The following SLC35F3 variants were observed in gnomAD, a reference collection of about 807,000 sequenced individuals.
The protein encoded by SLC35F3 is solute carrier family 35 member F3.
A neutral mutation model predicts 49.9 loss-of-function variants in SLC35F3; 25 were observed. The ratio of observed to expected loss-of-function variants is 0.50; its 90% CI spans 0.37 to 0.70. The LOEUF (loss-of-function observed/expected upper bound fraction) is 0.70. Among genes scored for constraint, SLC35F3 ranks in the 30% least tolerant of loss-of-function variants. The pLI, the probability that SLC35F3 is intolerant of heterozygous loss-of-function variation, is 0.00. For synonymous variants in SLC35F3, 275 were observed against 265.4 expected (o/e 1.04, Z -0.35); for missense variants, 525 against 639.8 (o/e 0.82, Z 1.94).
chr1:234,135,871 C>T (rs1040248661), intron 2 of SLC35F3, among the ~76,000 whole-genome samples: 5 of 152,232 alleles, frequency 3.3e-5, no homozygotes, highest in Non-Finnish European at 5.9e-5. Flanking sequence ...TTCACTGATG[C>T]CAGCCAAGAA....
intron 2 of SLC35F3, among the ~76,000 whole-genome samples, chr1:234,116,493 C>G (rs923157289): frequency 2.2e-5 from 3 of 134,158 alleles, no homozygotes; most frequent in African/African-American, 7.6e-5. Flanking sequence ...TCCCACCCCC[C>G]ATTATTTTTG....
In SLC35F3 at chr1:233,904,743, G is replaced by T. The variant is rs1364418575; in HGVS notation, c.-335G>T. Among the ~76,000 whole-genome samples, 1 of 151,756 alleles carries T rather than the reference G, an allele frequency of 6.6e-6. No individual in the cohort carries two copies. Among genetic ancestry groups the T allele is most frequent in the Non-Finnish European group, 1.5e-5 (1 of 67,908 alleles). On this transcript the variant is annotated 5_prime_UTR_variant, in exon 1 of 8. Coordinates refer to ENST00000366618, the MANE Select transcript of SLC35F3 (RefSeq NM_173508.4). ...CAGCTGGGAGGGCTCTCCCGGTCGCGGCGAGACTCACGCCTGCGGTGTGCT... is the reference window on the plus strand; with the variant it reads ...CAGCTGGGAGGGCTCTCCCGGTCGCTGCGAGACTCACGCCTGCGGTGTGCT...
At chr1:234,262,465 G>C (rs1311589559) in intron 3 of SLC35F3, among the ~76,000 whole-genome samples, 2 of 152,232 alleles carry the variant, frequency 1.3e-5, no homozygotes, top group Non-Finnish European at 2.9e-5. Context: ...AGGAATGGTG[G>C]TGTCTGTCCT....
At chr1:233,915,554 T>TA (rs1344125956) in intron 2 of SLC35F3, among the ~76,000 whole-genome samples, 1 of 151,878 alleles carries the variant, frequency 6.6e-6, no homozygotes, top group Non-Finnish European at 1.5e-5. Context: ...TGTTTTTTTT[T>TA]AAAAAAGTCC....
At chr1:234,157,681 C>G (rs1666174096) in intron 2 of SLC35F3, among the ~76,000 whole-genome samples, 2 of 152,122 alleles carry the variant, frequency 1.3e-5, no homozygotes, top group Admixed American at 6.5e-5. Flanking sequence ...TCCTTGTACT[C>G]TGGGTTTTTG....
chr1:234,252,634 ACT>A (rs1667755134), intron 3 of SLC35F3, among the ~76,000 whole-genome samples: 1 of 152,216 alleles, frequency 6.6e-6, no homozygotes, highest in South Asian at 2.1e-4. Context: ...GCTTACTTTC[ACT>A]CTTACGAGAG....
intron 2 of SLC35F3, among the ~76,000 whole-genome samples, chr1:234,123,260 G>A (rs1665602334): frequency 6.6e-6 from 1 of 152,116 alleles, no homozygotes; most frequent in Admixed American, 6.5e-5. Flanking sequence ...CCACATAAAT[G>A]TCTTCTTTTG....
chr1:234,301,956 C>T, intron 3 of SLC35F3, among the ~76,000 whole-genome samples: 1 of 152,204 alleles, frequency 6.6e-6, no homozygotes, highest in African/African-American at 2.4e-5. Flanking sequence ...ACCAAACACC[C>T]CACATTCTCA....
rs377329734 is a variant in SLC35F3 at position 234,018,661 on chromosome 1, C to T, written c.283+112903C>T. Reference sequence around the variant, plus strand: ...AACCTCATGAACACACTGCTGAATCCAATCAGAGGTGTCTAGATCCATTCT... The same window carrying T: ...AACCTCATGAACACACTGCTGAATCTAATCAGAGGTGTCTAGATCCATTCT... On this transcript the variant is annotated intron_variant, in intron 2 of 7. Coordinates refer to ENST00000366618, the MANE Select transcript of SLC35F3 (RefSeq NM_173508.4). 2.9e-4 allele frequency among the ~76,000 whole-genome samples: 44 copies of T among 152,242 alleles called. 1 individual carries two copies. In the South Asian group the frequency reaches 9.1e-3, roughly 32 times the overall value.
At chr1:233,959,967 G>A (rs1469993050) in intron 2 of SLC35F3, among the ~76,000 whole-genome samples, 5 of 152,186 alleles carry the variant, frequency 3.3e-5, no homozygotes, top group African/African-American at 9.7e-5. Context: ...GCAGTGTTTT[G>A]TTGGGGACAG....
chr1:234,140,920 T>C (rs1339560401), intron 2 of SLC35F3, among the ~76,000 whole-genome samples: 1 of 152,236 alleles, frequency 6.6e-6, no homozygotes, highest in Non-Finnish European at 1.5e-5. Context: ...GGTTTACTTA[T>C]AGAATCCTTG....
At chr1:234,278,683 G>A (rs1249979274) in intron 3 of SLC35F3, among the ~76,000 whole-genome samples, 1 of 152,172 alleles carries the variant, frequency 6.6e-6, no homozygotes, top group East Asian at 1.9e-4. Context: ...AGGCTGGGAA[G>A]TTCAAGATCA....
intron 2 of SLC35F3, among the ~76,000 whole-genome samples, chr1:234,109,027 A>G (rs1199445481): frequency 2.0e-5 from 3 of 151,852 alleles, no homozygotes; most frequent in Admixed American, 6.6e-5. Flanking sequence ...GGAGTGGAGT[A>G]TTCTACTTGT....
chr1:234,204,787 C>A (rs1335121200), intron 2 of SLC35F3, among the ~76,000 whole-genome samples: 2 of 152,238 alleles, frequency 1.3e-5, no homozygotes, highest in Non-Finnish European at 2.9e-5. Context: ...GCAGGACACA[C>A]CTCTACACCT....
At position 234,175,999 on chromosome 1, in the gene SLC35F3, G is replaced by A. The variant is rs75232260; in HGVS notation, c.284-55418G>A. Reference sequence around the variant, plus strand: ...CTCTGAGCCCACTCTCCCCTTCAAAGATTCCACCTGCCTCAAAAGTGCTTG... The same window carrying A: ...CTCTGAGCCCACTCTCCCCTTCAAAAATTCCACCTGCCTCAAAAGTGCTTG... On this transcript the variant is annotated intron_variant, in intron 2 of 7. Transcript: ENST00000366618. Among the ~76,000 whole-genome samples the A allele has an allele frequency of 6.0e-3, 914 of 152,274 alleles. 9 individuals carry two copies. Among genetic ancestry groups the A allele is most frequent in the East Asian group, 0.037 (190 of 5,172 alleles).
intron 2 of SLC35F3, among the ~76,000 whole-genome samples, chr1:233,920,699 A>C (rs1356721359): frequency 6.6e-6 from 1 of 152,214 alleles, no homozygotes; most frequent in Non-Finnish European, 1.5e-5. Flanking sequence ...ATGTTACATG[A>C]GATTCCGTCT....
chr1:234,292,592 T>G (rs1668526924), intron 3 of SLC35F3, among the ~76,000 whole-genome samples: 1 of 152,206 alleles, frequency 6.6e-6, no homozygotes, highest in African/African-American at 2.4e-5. Flanking sequence ...TGATAAATGT[T>G]AGAATCCCAC....
Position 234,214,682 on chromosome 1 carries a change from TC to T in SLC35F3, c.284-16730del. On this transcript the variant is annotated intron_variant, in intron 2 of 7. Transcript: ENST00000366618. This position sits in a 1 kb window ranked among gnomAD's most constrained non-coding sequence, Gnocchi z 8.0. ...GGGGCGCCGGGGCTGGGGGTACTGCTCCCCCAGGACGCGGCTCCGCAGTGCA... is the reference window on the plus strand; with the variant it reads ...GGGGCGCCGGGGCTGGGGGTACTGCTCCCCAGGACGCGGCTCCGCAGTGCA... 1 of 1,361,022 alleles carries T rather than the reference TC, an allele frequency of 7.3e-7. No homozygotes were observed. The highest frequency in any genetic ancestry group is 9.7e-7 in the Non-Finnish European group (1 of 1,035,794). 84.3% of individuals were successfully genotyped at this position (1,361,022 alleles called of 1,614,324 possible). A position where few individuals can be genotyped will look rare whatever the true frequency, so the allele number is the denominator to read the frequency against.
chr1:234,012,248 A>G (rs541221107), intron 2 of SLC35F3, among the ~76,000 whole-genome samples: 2 of 152,338 alleles, frequency 1.3e-5, no homozygotes, highest in African/African-American at 2.4e-5. Flanking sequence ...TTTTTCTCCT[A>G]TCTCAGAATT....
Sources: allele counts gnomAD v4.1 joint callset (sites outside exome capture counted in the v4.1 genomes callset), GRCh38; gene constraint gnomAD v4.1.1; non-coding constraint Gnocchi (gnomAD v3.1); transcripts MANE v1.5; gene names NCBI Gene and HGNC (gene_info 2026-07-23, HGNC 2026-07-21).